Variants in SRPK2 observed in about 807,000 individuals in gnomAD.
SRPK2 encodes SFRS protein kinase 2.
In SRPK2, 21 loss-of-function variants were observed where a neutral mutation model predicts 90.8. That is an observed-to-expected ratio of 0.23 (90% CI 0.16 to 0.33). The LOEUF is 0.33. SRPK2 is among the 10% of genes least tolerant of loss of function. The probability of loss-of-function intolerance (pLI) is 1.00; values close to 1 mark genes in which losing one functional copy is unlikely to be tolerated. For synonymous variants in SRPK2, 288 were observed against 311.1 expected, an observed-to-expected ratio of 0.93 and a Z score of 0.78; for missense variants, 620 against 869.0, an observed-to-expected ratio of 0.71 and a Z score of 3.60.
chr7:105,236,450 A>G (rs1271840756), intron 2 of SRPK2, among the ~76,000 whole-genome samples: 8 of 152,086 alleles, frequency 5.3e-5, no homozygotes, highest in African/African-American at 1.9e-4. Context: ...ATAATGGTGT[A>G]AATTATCACT....
intron 8 of SRPK2, 73 bp from the exon 9 acceptor site, chr7:105,145,381 G>C: frequency 9.1e-7 from 1 of 1,101,792 alleles, no homozygotes; most frequent in Non-Finnish European, 1.3e-6. Flanking sequence ...CATTCGAATT[G>C]CAAAGTGAAA....
chr7:105,114,845 T>G (rs1799538699), downstream of SRPK2, among the ~76,000 whole-genome samples: 1 of 152,204 alleles, frequency 6.6e-6, no homozygotes, highest in Admixed American at 6.5e-5. Context: ...GCTTCAAATT[T>G]TAGAAGAACA....
At chr7:105,367,797 G>C (rs574823311) in intron 2 of SRPK2, among the ~76,000 whole-genome samples, 206 of 152,210 alleles carry the variant, frequency 1.4e-3, no homozygotes, top group Non-Finnish European at 2.2e-3. Context: ...AAACAGGCTA[G>C]CATCTACAAA....
chr7:105,126,426 T>TA (rs1355916880), intron 14 of SRPK2, 86 bp from the exon 15 acceptor site: 8 of 999,956 alleles, frequency 8.0e-6, no homozygotes, highest in East Asian at 2.4e-5. Context: ...TTGAAATTAG[T>TA]AAAAAATCAG....
chr7:105,255,036 A>G (rs1344230164), intron 2 of SRPK2, among the ~76,000 whole-genome samples: 1 of 151,564 alleles, frequency 6.6e-6, no homozygotes, highest in East Asian at 1.9e-4. Context: ...ATTGGCCAGA[A>G]AAAATTAATC....
intron 2 of SRPK2, among the ~76,000 whole-genome samples, chr7:105,387,746 G>A (rs1473109605): frequency 6.6e-6 from 1 of 152,176 alleles, no homozygotes; most frequent in Non-Finnish European, 1.5e-5. Flanking sequence ...TAATCTAGAG[G>A]AAGAGATAAC....
In SRPK2 at chr7:105,203,722, C is replaced by CA; in HGVS notation, c.134_135insT (p.Pro46AlafsTer20). On this transcript the variant is annotated frameshift_variant, in exon 3 of 16. Coordinates refer to ENST00000393651, the MANE Select transcript of SRPK2 (RefSeq NM_182692.3). LOFTEE classifies it high-confidence loss of function. Reference sequence around the variant, plus strand: ...GGGGTGTGGGGTCTGGCAAAGGTGGCGGTGGTGGTGGTGGTGGCGGTGGAG... The same window carrying CA: ...GGGGTGTGGGGTCTGGCAAAGGTGGCAGGTGGTGGTGGTGGTGGCGGTGGAG... The CA allele has an allele frequency of 9.2e-7, 1 of 1,087,600 alleles. No homozygotes were observed. The highest frequency in any genetic ancestry group is 1.3e-6 in the Non-Finnish European group (1 of 760,576). 67.4% of individuals were successfully genotyped at this position (1,087,600 alleles called of 1,614,324 possible). A position where few individuals can be genotyped will look rare whatever the true frequency, so the allele number is the denominator to read the frequency against.
At position 105,200,541 on chromosome 7, in the gene SRPK2, T is replaced by A. The variant is rs186001710; in HGVS notation, c.229+3087A>T. On this transcript the variant is annotated intron_variant, in intron 3 of 15. Coordinates refer to ENST00000393651, the MANE Select transcript of SRPK2 (RefSeq NM_182692.3). ...GGTAGGGATAAATATTTGAATGGGT[T>A]ATATATGTAGTCTCAAAGTAACTCT... Among the ~76,000 whole-genome samples, 1,286 of 152,062 alleles carry A rather than the reference T, an allele frequency of 8.5e-3. 8 individuals are homozygous for A. The highest frequency in any genetic ancestry group is 0.013 in the Non-Finnish European group (903 of 67,982).
intron 7 of SRPK2, among the ~76,000 whole-genome samples, chr7:105,147,395 G>A (rs943266523): frequency 1.3e-5 from 2 of 152,108 alleles, no homozygotes; most frequent in South Asian, 4.1e-4. Flanking sequence ...TTGGCTCACT[G>A]CAACCTCCGC....
In SRPK2 at chr7:105,143,113, GCCT is replaced by G; in HGVS notation, c.1028_1030del (p.Glu343del). On this transcript the variant is annotated inframe_deletion, in exon 10 of 16. Coordinates refer to ENST00000393651, the MANE Select transcript of SRPK2 (RefSeq NM_182692.3). ...GTCCTTTGCAGTCTCTGCCTCAGCC[GCCT>G]CCTCTAATCCTGTTGTTTTTAGTTT... 1 of 1,614,064 alleles carries G rather than the reference GCCT, an allele frequency of 6.2e-7. No homozygotes were observed.
intron 2 of SRPK2, among the ~76,000 whole-genome samples, chr7:105,341,695 G>A (rs1161596645): frequency 6.6e-6 from 1 of 152,070 alleles, no homozygotes; most frequent in East Asian, 1.9e-4. Flanking sequence ...GGGGACGGGA[G>A]TGGTGGCTCA....
At chr7:105,187,905 G>A in intron 3 of SRPK2, among the ~76,000 whole-genome samples, 1 of 152,116 alleles carries the variant, frequency 6.6e-6, no homozygotes, top group East Asian at 1.9e-4. Context: ...AAGGGACAAA[G>A]GTGAGTAAAT....
intron 2 of SRPK2, among the ~76,000 whole-genome samples, chr7:105,277,213 A>C (rs1205675224): frequency 6.6e-6 from 1 of 151,916 alleles, no homozygotes; most frequent in Non-Finnish European, 1.5e-5. Flanking sequence ...AGTAGCTGGG[A>C]CTACAGGCGC....
chr7:105,170,967 G>GAAAGAAAAAGAAAGAA lies in SRPK2; in HGVS notation c.230-1703_230-1702insTTCTTTCTTTTTCTTT, dbSNP rs66735717. Among the ~76,000 whole-genome samples, 2 of 74,462 alleles carry GAAAGAAAAAGAAAGAA rather than the reference G, an allele frequency of 2.7e-5. 1 individual carries two copies. The highest frequency in any genetic ancestry group is 1.1e-4 in the African/African-American group (2 of 18,548). 48.8% of individuals were successfully genotyped at this position (74,462 alleles called of 152,430 possible). Reference sequence around the variant, plus strand: ...AGAAAGAAAGAAAGAAAGAAAGAAAGAGAAAGAAAGAGAAAGAAAGAAAGA... The same window carrying GAAAGAAAAAGAAAGAA: ...AGAAAGAAAGAAAGAAAGAAAGAAAGAAAGAAAAAGAAAGAAAGAAAGAAAGAGAAAGAAAGAAAGA... On this transcript the variant is annotated intron_variant, in intron 3 of 15. Transcript: ENST00000393651.
At chr7:105,339,515 T>C (rs891679319) in intron 2 of SRPK2, among the ~76,000 whole-genome samples, 10 of 152,172 alleles carry the variant, frequency 6.6e-5, no homozygotes, top group Admixed American at 2.6e-4. Context: ...ACCTGAGATA[T>C]CCAGAAGAAT....
chr7:105,131,504 G>T (rs1801998680), intron 13 of SRPK2, among the ~76,000 whole-genome samples: 1 of 152,134 alleles, frequency 6.6e-6, no homozygotes, highest in African/African-American at 2.4e-5. Flanking sequence ...GTTATTGTCT[G>T]GTATTATCCT....
chr7:105,300,773 C>G (rs1275823107), intron 2 of SRPK2, among the ~76,000 whole-genome samples: 1 of 152,166 alleles, frequency 6.6e-6, no homozygotes, highest in Non-Finnish European at 1.5e-5. Context: ...AAATGCTCAT[C>G]ATCACTAGTC....
chr7:105,349,787 G>A (rs1001293231), intron 2 of SRPK2, among the ~76,000 whole-genome samples: 2 of 151,924 alleles, frequency 1.3e-5, no homozygotes, highest in African/African-American at 4.8e-5. Context: ...TCGCCAGGCT[G>A]GTGTGCAGTG....
chr7:105,116,153 G>A (rs1669624749), downstream of SRPK2, among the ~76,000 whole-genome samples: 1 of 152,052 alleles, frequency 6.6e-6, no homozygotes, highest in Non-Finnish European at 1.5e-5. Flanking sequence ...GGATGAAAAG[G>A]GATCATTGAT....
Sources: allele counts gnomAD v4.1 joint callset (sites outside exome capture counted in the v4.1 genomes callset), GRCh38; gene constraint gnomAD v4.1.1; transcripts MANE v1.5; gene names NCBI Gene and HGNC (gene_info 2026-07-23, HGNC 2026-07-21).